The following ADAMTSL1 variants were observed in gnomAD, a reference collection of about 807,000 sequenced individuals.
ADAMTSL1 encodes the protein ADAMTS-like protein 1.
ADAMTSL1 carries 126 observed loss-of-function variants against 201.8 expected under a neutral mutation model. The observed-to-expected ratio is 0.62, with a 90% confidence interval of 0.54 to 0.72. ADAMTSL1 has a LOEUF of 0.72. ADAMTSL1 is among the 30% of genes least tolerant of loss of function. ADAMTSL1 has a pLI of 0.00. For synonymous variants in ADAMTSL1, 1,121 were observed against 903.4 expected (o/e 1.24, Z -4.32); for missense variants, 2,679 against 2,277.8 (o/e 1.18, Z -3.59).
At chr9:18,615,904 G>A (rs1317788896) in intron 4 of ADAMTSL1, among the ~76,000 whole-genome samples, 2 of 152,124 alleles carry the variant, frequency 1.3e-5, no homozygotes, top group African/African-American at 4.8e-5. Flanking sequence ...CCTGGTAGGA[G>A]GTATAGCTGC....
At chr9:18,686,135 G>T (rs1464927473) in intron 13 of ADAMTSL1, among the ~76,000 whole-genome samples, 2 of 152,086 alleles carry the variant, frequency 1.3e-5, no homozygotes, top group African/African-American at 4.8e-5. Flanking sequence ...TTCCCAGGCT[G>T]GTCTCAAACT....
chr9:17,935,846 A>G (rs1177224105), intron 1 of ADAMTSL1, among the ~76,000 whole-genome samples: 1 of 152,180 alleles, frequency 6.6e-6, no homozygotes, highest in African/African-American at 2.4e-5. Context: ...TCAGTAGAGC[A>G]TGCAGGTGAT....
chr9:18,009,681 A>G (rs940367536), intron 1 of ADAMTSL1, among the ~76,000 whole-genome samples: 9 of 152,056 alleles, frequency 5.9e-5, no homozygotes, highest in Non-Finnish European at 1.3e-4. Flanking sequence ...TGGATATTCC[A>G]GTAGCTGAAA....
At position 18,376,541 on chromosome 9, in the gene ADAMTSL1, A is replaced by G. The variant is rs1371489209; in HGVS notation, c.208-128288A>G. Among the ~76,000 whole-genome samples, 16 of 152,358 alleles carry G rather than the reference A, an allele frequency of 1.1e-4. No homozygotes were observed. The East Asian group carries it at 2.9e-3, about 28-fold the overall frequency. ...GACTTAGGGCCCGGGGCGGTGGCTC[A>G]TGCCTGTAATCCTAGCACTTTGGGA... On this transcript the variant is annotated intron_variant, in intron 2 of 29. Coordinates refer to the ADAMTSL1 transcript ENST00000680146.
At chr9:18,495,015 C>T (rs1352560459) in intron 1 of ADAMTSL1, among the ~76,000 whole-genome samples, 3 of 152,102 alleles carry the variant, frequency 2.0e-5, no homozygotes, top group African/African-American at 7.2e-5. Context: ...TGCAAAGTGC[C>T]AGGCATGAAT....
At chr9:18,734,126 C>T (rs1011495535) in intron 15 of ADAMTSL1, among the ~76,000 whole-genome samples, 2 of 152,160 alleles carry the variant, frequency 1.3e-5, no homozygotes, top group Admixed American at 6.5e-5. Flanking sequence ...TCAGTTTCTT[C>T]CTCTTTAACC....
intron 2 of ADAMTSL1, among the ~76,000 whole-genome samples, chr9:18,198,115 G>C (rs1371925724): frequency 1.3e-5 from 2 of 152,148 alleles, no homozygotes; most frequent in African/African-American, 4.8e-5. Context: ...ATTCAAGATG[G>C]ATTGAAGGCT....
intron 2 of ADAMTSL1, among the ~76,000 whole-genome samples, chr9:18,342,455 G>C (rs1835505161): frequency 1.3e-5 from 2 of 152,076 alleles, no homozygotes; most frequent in African/African-American, 4.8e-5. Flanking sequence ...CTAAGAGGAG[G>C]GTCCACTCGT....
intron 2 of ADAMTSL1, among the ~76,000 whole-genome samples, chr9:18,388,018 A>C (rs1242764827): frequency 6.8e-6 from 1 of 148,108 alleles, no homozygotes; most frequent in Non-Finnish European, 1.5e-5. Context: ...TTTCATACGT[A>C]ATGTTCTTAT....
In ADAMTSL1 at chr9:18,126,237, T is replaced by A. The variant is rs181515440; in HGVS notation, c.88-37625T>A. Among the ~76,000 whole-genome samples the A allele has an allele frequency of 1.9e-3, 283 of 152,362 alleles. 2 individuals are homozygous for A. The highest frequency in any genetic ancestry group is 3.4e-3 in the Middle Eastern group (1 of 294). ...AAAAGTACACAAATTGTAAGTATAGTGAATCATAACACCGTGAACATGTTT... is the reference window on the plus strand; with the variant it reads ...AAAAGTACACAAATTGTAAGTATAGAGAATCATAACACCGTGAACATGTTT... On this transcript the variant is annotated intron_variant, in intron 1 of 29. Coordinates refer to the ADAMTSL1 transcript ENST00000680146.
intron 14 of ADAMTSL1, among the ~76,000 whole-genome samples, chr9:18,720,888 C>G (rs1833308942): frequency 6.6e-6 from 1 of 152,232 alleles, no homozygotes; most frequent in African/African-American, 2.4e-5. Flanking sequence ...TCCTGTTTCA[C>G]TAGCTCTGAG....
At chr9:18,500,131 G>C (rs919888501) in intron 1 of ADAMTSL1, among the ~76,000 whole-genome samples, 2 of 152,192 alleles carry the variant, frequency 1.3e-5, no homozygotes, top group Non-Finnish European at 2.9e-5. Flanking sequence ...GTGAGCTGCA[G>C]GGAAAATATT....
At chr9:17,969,488 A>G (rs1316499882) in intron 1 of ADAMTSL1, among the ~76,000 whole-genome samples, 1 of 152,066 alleles carries the variant, frequency 6.6e-6, no homozygotes, top group African/African-American at 2.4e-5. Flanking sequence ...TTGTAAATCC[A>G]CACCCTTTGG....
intron 2 of ADAMTSL1, among the ~76,000 whole-genome samples, chr9:18,201,845 A>C (rs959176979): frequency 1.8e-4 from 27 of 152,148 alleles, no homozygotes; most frequent in Admixed American, 3.3e-4. Flanking sequence ...CATAGGAATG[A>C]TAATGCCTAT....
At chr9:17,964,838 A>G (rs1004635147) in intron 1 of ADAMTSL1, among the ~76,000 whole-genome samples, 20 of 152,128 alleles carry the variant, frequency 1.3e-4, no homozygotes, top group African/African-American at 4.6e-4. Context: ...TTTAAAAACA[A>G]CATTTAAGCA....
intron 1 of ADAMTSL1, among the ~76,000 whole-genome samples, chr9:18,107,687 C>A (rs1485385005): frequency 6.6e-6 from 1 of 152,116 alleles, no homozygotes; most frequent in Non-Finnish European, 1.5e-5. Context: ...AGCTTCGGAG[C>A]AGAAAGATTC....
chr9:18,382,953 G>A (rs1323888091), intron 2 of ADAMTSL1, among the ~76,000 whole-genome samples: 1 of 152,170 alleles, frequency 6.6e-6, no homozygotes, highest in Non-Finnish European at 1.5e-5. Context: ...AGATCGCACT[G>A]AAACAGAACA....
intron 7 of ADAMTSL1, among the ~76,000 whole-genome samples, chr9:18,644,541 C>T (rs1472833481): frequency 5.3e-5 from 8 of 151,530 alleles, no homozygotes; most frequent in Non-Finnish European, 1.2e-4. Flanking sequence ...TCCCCCCTAC[C>T]CCCACCCCAC....
chr9:18,293,259 G>A (rs374657774), intron 2 of ADAMTSL1, among the ~76,000 whole-genome samples: 6 of 152,268 alleles, frequency 3.9e-5, no homozygotes, highest in East Asian at 3.9e-4. Context: ...ACAACAATTT[G>A]TTTTCTTTTG....
Sources: allele counts gnomAD v4.1 joint callset (sites outside exome capture counted in the v4.1 genomes callset), GRCh38; gene constraint gnomAD v4.1.1; transcripts MANE v1.5; gene names NCBI Gene and HGNC (gene_info 2026-07-23, HGNC 2026-07-21).